ZC3H3: variants seen among roughly 807,000 people sequenced by gnomAD.
The protein encoded by ZC3H3 is zinc finger CCCH-type containing 3.
Under a neutral mutation model 77.3 loss-of-function variants are expected in ZC3H3, and 36 were observed. The ratio of observed to expected loss-of-function variants is 0.47; its 90% CI spans 0.36 to 0.61. The LOEUF (loss-of-function observed/expected upper bound fraction) is 0.61. ZC3H3 is among the 20% of genes least tolerant of loss of function. ZC3H3 has a pLI of 0.00. For missense variants in ZC3H3, 1,331 were observed against 1,312.2 expected, an observed-to-expected ratio of 1.01 and a Z score of -0.22; for synonymous variants, 626 against 555.2, an observed-to-expected ratio of 1.13 and a Z score of -1.79.
intron 5 of ZC3H3, among the ~76,000 whole-genome samples, chr8:143,469,820 C>T (rs1289159018): frequency 6.6e-6 from 1 of 152,166 alleles, no homozygotes; most frequent in Non-Finnish European, 1.5e-5. Flanking sequence ...TTCCCGGGTT[C>T]CTCAAATACG....
intron 5 of ZC3H3, among the ~76,000 whole-genome samples, chr8:143,470,465 C>T (rs1366471142): frequency 6.6e-6 from 1 of 152,208 alleles, no homozygotes; most frequent in Non-Finnish European, 1.5e-5. Context: ...GGCCGGGACC[C>T]TTGTCCCCGG....
In ZC3H3 at chr8:143,462,848, C is replaced by T. The variant is rs1335526150; in HGVS notation, c.2307+2869G>A. The stretch of plus-strand genomic sequence containing the variant: ...CCCTGTGCACTGGGGGCGCTGGCAG[C>T]AGCCAACACCCTAGCTGCAACAAGC... On this transcript the variant is annotated intron_variant, in intron 9 of 11. Coordinates refer to ENST00000262577, the MANE Select transcript of ZC3H3 (RefSeq NM_015117.3). This position sits in a 1 kb window ranked among gnomAD's most constrained non-coding sequence, Gnocchi z 4.7. 6.6e-6 allele frequency among the ~76,000 whole-genome samples: 1 copy of T among 152,232 alleles called. No individual in the cohort carries two copies. Among genetic ancestry groups the T allele is most frequent in the Non-Finnish European group, 1.5e-5 (1 of 68,038 alleles).
chr8:143,454,986 C>CCT (rs1030202634), intron 9 of ZC3H3, among the ~76,000 whole-genome samples: 7 of 152,118 alleles, frequency 4.6e-5, no homozygotes, highest in Admixed American at 2.6e-4. Context: ...TAAAATGCTT[C>CCT]CTTTAGGTAA....
chr8:143,528,764 C>G (rs968326796), intron 3 of ZC3H3, among the ~76,000 whole-genome samples: 1 of 152,230 alleles, frequency 6.6e-6, no homozygotes, highest in African/African-American at 2.4e-5. Context: ...CCCACCTTCC[C>G]GCCCATGGCC....
In ZC3H3 at chr8:143,479,009, C is replaced by G. The variant is rs576275747; in HGVS notation, c.1716-3424G>C. Among the ~76,000 whole-genome samples the G allele has an allele frequency of 2.5e-4, 38 of 152,362 alleles. No individual in the cohort carries two copies. The East Asian group carries it at 7.1e-3, about 29-fold the overall frequency. ...ATGCTTGGGAATGTTCCCAGCCCCC[C>G]ACTGCCCACCATAGCCTGGGAGCCC... On this transcript the variant is annotated intron_variant, in intron 4 of 11. Transcript: ENST00000262577.
At chr8:143,472,066 G>A (rs901786874) in intron 5 of ZC3H3, among the ~76,000 whole-genome samples, 7 of 152,248 alleles carry the variant, frequency 4.6e-5, no homozygotes, top group South Asian at 2.1e-4. Flanking sequence ...AGCCCTACTC[G>A]ATGGCAGGCG....
intron 3 of ZC3H3, among the ~76,000 whole-genome samples, chr8:143,532,732 TAGGC>T (rs564448254): frequency 6.6e-6 from 1 of 152,192 alleles, no homozygotes; most frequent in African/African-American, 2.4e-5. Context: ...CCTCAGTTCC[TAGGC>T]AGGCAGGCAG....
chr8:143,536,575 G>A, intron 2 of ZC3H3, 122 bp from the exon 3 acceptor site: 1 of 1,047,852 alleles, frequency 9.5e-7, no homozygotes, highest in Non-Finnish European at 1.3e-6. Flanking sequence ...GGCCACAGCG[G>A]GTCCTTTCTG....
intron 1 of ZC3H3, 61 bp from the exon 2 acceptor site, chr8:143,539,381 C>T: frequency 6.8e-7 from 1 of 1,469,486 alleles, no homozygotes; most frequent in South Asian, 1.3e-5. Context: ...TCATGACTAC[C>T]CTGGAAGGGC....
In ZC3H3 at chr8:143,538,437, G is replaced by A; in HGVS notation, c.930C>T (p.Asn310=). ...TCGAGGAGGCAGCCACCCATTTGTA[G>A]TTGTTTTTCCGGAACTTGTTAGTTC... The part of the protein sequence containing the change: ...TCRTNKFRKN[N]YKWVAASSKS... Residue 310 remains asparagine, a synonymous_variant, in exon 2 of 12, where the codon AAC becomes AAT. Coordinates refer to ENST00000262577, the MANE Select transcript of ZC3H3 (RefSeq NM_015117.3). 1 of 1,613,200 alleles carries A rather than the reference G, an allele frequency of 6.2e-7. No individual in the cohort carries two copies. Among genetic ancestry groups the A allele is most frequent in the African/African-American group, 1.3e-5 (1 of 75,078 alleles).
intron 3 of ZC3H3, among the ~76,000 whole-genome samples, chr8:143,522,331 A>G (rs987230673): frequency 6.6e-6 from 1 of 152,250 alleles, no homozygotes; most frequent in Non-Finnish European, 1.5e-5. Flanking sequence ...AGCCAGGCAC[A>G]GTGGCTCACG....
chr8:143,494,814 T>C lies in ZC3H3; in HGVS notation c.1715+12932A>G, dbSNP rs934545513. ...TGCAGTCAAGAATGAGGAGCCAGAA[T>C]ACCGGCCACCAACGGGCAAACGGCC... is the stretch of plus-strand genomic sequence containing the variant. On this transcript the variant is annotated intron_variant, in intron 4 of 11. Coordinates refer to ENST00000262577, the MANE Select transcript of ZC3H3 (RefSeq NM_015117.3). The surrounding 1 kb of genome is among the most constrained non-coding windows in gnomAD (Gnocchi z 5.3). Among the ~76,000 whole-genome samples the C allele has an allele frequency of 6.6e-6, 1 of 152,172 alleles. No individual in the cohort carries two copies. Among genetic ancestry groups the C allele is most frequent in the African/African-American group, 2.4e-5 (1 of 41,446 alleles).
intron 9 of ZC3H3, among the ~76,000 whole-genome samples, chr8:143,450,699 C>T (rs990508970): frequency 3.9e-5 from 6 of 152,148 alleles, no homozygotes; most frequent in African/African-American, 1.4e-4. Flanking sequence ...CACTTTTAAA[C>T]AGCCAGATCT....
rs1371768911 is a variant in ZC3H3, at chr8:143,538,705, T to C, written c.662A>G (p.Glu221Gly). The C allele has an allele frequency of 2.5e-6, 4 of 1,608,636 alleles. No homozygotes were observed. The highest frequency in any genetic ancestry group is 4.5e-5 in the East Asian group (2 of 44,888). Residue 221 changes from glutamate to glycine, a missense_variant, in exon 2 of 12, where the codon GAG (glutamate) becomes GGG (glycine). Glu to Gly is a moderately conservative substitution (Grantham distance 98). Around this residue, in one of 3 missense-constraint regions of ZC3H3, gnomAD observed 978 missense variants for 915.5 expected, o/e 1.07. Transcript: ENST00000262577. ...GCTCGCCTTGACGGCAATCACACTC[T>C]CACTGACTGTCCGGCGGGGCTCCCG... ...SPREPRRTVS[E>G]SVIAVKASFP...
chr8:143,510,608 T>G (rs919653699), intron 3 of ZC3H3, among the ~76,000 whole-genome samples: 5 of 152,078 alleles, frequency 3.3e-5, no homozygotes, highest in African/African-American at 1.2e-4. Context: ...TTCCCCAGGG[T>G]GTGCAGCGAT....
Position 143,468,366 on chromosome 8 carries a change from G to T in ZC3H3, c.2105+16C>A. 6.2e-7 allele frequency: 1 copy of T among 1,612,032 alleles called. No individual in the cohort carries two copies. The highest frequency in any genetic ancestry group is 8.5e-7 in the Non-Finnish European group (1 of 1,179,296). On this transcript the variant is annotated intron_variant, in intron 7 of 11. Transcript: ENST00000262577. ...ACAGAACCTCCCCCAGGCCCACAGCGAGGGCAGGAGGGCACCTGGTGCACA... is the reference window on the plus strand; with the variant it reads ...ACAGAACCTCCCCCAGGCCCACAGCTAGGGCAGGAGGGCACCTGGTGCACA...
intron 4 of ZC3H3, among the ~76,000 whole-genome samples, chr8:143,490,636 C>T (rs1022457517): frequency 5.3e-5 from 8 of 152,212 alleles, no homozygotes; most frequent in Non-Finnish European, 1.0e-4. Flanking sequence ...TACTGATGGC[C>T]GGGTGCAGTG....
chr8:143,480,645 C>T (rs1820882489), intron 4 of ZC3H3, among the ~76,000 whole-genome samples: 1 of 152,248 alleles, frequency 6.6e-6, no homozygotes, highest in Admixed American at 6.5e-5. Context: ...CCCAGCTCAG[C>T]AGAAACACAT....
intron 9 of ZC3H3, among the ~76,000 whole-genome samples, chr8:143,463,521 C>T (rs392900): frequency 3.3e-3 from 508 of 152,318 alleles, no homozygotes; most frequent in African/African-American, 0.012. Flanking sequence ...AAAACTCTTC[C>T]GTTCAAGGAC....
Sources: allele counts gnomAD v4.1 joint callset (sites outside exome capture counted in the v4.1 genomes callset), GRCh38; gene constraint gnomAD v4.1.1; regional missense constraint gnomAD v4.1.1; non-coding constraint Gnocchi (gnomAD v3.1); transcripts MANE v1.5; gene names NCBI Gene and HGNC (gene_info 2026-07-23, HGNC 2026-07-21).